KATNIP: variants seen among roughly 807,000 people sequenced by gnomAD.
KATNIP encodes katanin interacting protein, also known as katanin-interacting protein.
In KATNIP, 126 loss-of-function variants were observed where a neutral mutation model predicts 174.0. That is an observed-to-expected ratio of 0.72 (90% CI 0.63 to 0.84). The LOEUF is 0.84. Ranked by LOEUF, KATNIP falls within the 40% of genes least tolerant of loss-of-function variation. KATNIP has a pLI of 0.00. For missense variants in KATNIP, 1,958 were observed against 2,109.7 expected (o/e 0.93, Z 1.41); for synonymous variants, 810 against 835.7 (o/e 0.97, Z 0.53).
intron 5 of KATNIP, among the ~76,000 whole-genome samples, chr16:27,634,680 C>T (rs1032894208): frequency 9.9e-5 from 15 of 152,220 alleles, no homozygotes; most frequent in African/African-American, 3.6e-4. Context: ...AGCACTGAAA[C>T]AGCCAACATC....
intron 18 of KATNIP, chr16:27,757,590 T>A: frequency 2.3e-6 from 2 of 878,896 alleles, no homozygotes; most frequent in Non-Finnish European, 2.7e-6. Flanking sequence ...GGAGTAGAGC[T>A]CAAAGACCTT....
intron 14 of KATNIP, among the ~76,000 whole-genome samples, chr16:27,733,882 C>G (rs1031302093): frequency 1.3e-5 from 2 of 152,222 alleles, no homozygotes; most frequent in African/African-American, 4.8e-5. Context: ...CCTCATGGGG[C>G]AGATGTGACT....
At position 27,683,010 on chromosome 16, in the gene KATNIP, C is replaced by T. The variant is rs563723080; in HGVS notation, c.940+1480C>T. Among the ~76,000 whole-genome samples, 23 of 152,304 alleles carry T rather than the reference C, an allele frequency of 1.5e-4. No individual in the cohort carries two copies. The South Asian group carries it at 4.6e-3, about 30-fold the overall frequency. On this transcript the variant is annotated intron_variant, in intron 8 of 27. Transcript: ENST00000261588. ...CAGATGCGGCACCCTTGACCTTGGA[C>T]TTCTCAGCTTCTATAACTATAAGAA...
chr16:27,700,652 G>A (rs2079063658), intron 10 of KATNIP, among the ~76,000 whole-genome samples: 3 of 152,210 alleles, frequency 2.0e-5, no homozygotes, highest in African/African-American at 4.8e-5. Context: ...AACAGGGAAC[G>A]GCATTCCAGG....
intron 5 of KATNIP, among the ~76,000 whole-genome samples, chr16:27,634,879 C>T (rs767128510): frequency 4.6e-5 from 7 of 152,094 alleles, no homozygotes; most frequent in Non-Finnish European, 8.8e-5. Flanking sequence ...ATTGTAGGGC[C>T]GCCAAACGAG....
intron 20 of KATNIP, 87 bp from the exon 21 acceptor site, chr16:27,769,774 C>A: frequency 6.7e-7 from 1 of 1,501,948 alleles, no homozygotes; most frequent in Non-Finnish European, 9.1e-7. Context: ...GTGAGCACAG[C>A]TGCCAGCAGC....
chr16:27,707,211 C>A (rs879688393), intron 12 of KATNIP, among the ~76,000 whole-genome samples: 11 of 152,186 alleles, frequency 7.2e-5, no homozygotes, highest in Non-Finnish European at 1.2e-4. Flanking sequence ...CTCACAGAAC[C>A]ATTGCAGATT....
chr16:27,619,898 C>T (rs904348366), intron 3 of KATNIP, among the ~76,000 whole-genome samples: 4 of 152,152 alleles, frequency 2.6e-5, no homozygotes, highest in South Asian at 2.1e-4. Flanking sequence ...CTGATTAGAC[C>T]GACGTGGGTT....
rs145758789 is a variant in KATNIP, at chr16:27,704,130, C to A, written c.1389+132C>A. Reference sequence around the variant, plus strand: ...CTGCCTGTGTTTCCACCGCCCCCCCCCTCCCTGGCACACAGAGGTATATAT... The same window carrying A: ...CTGCCTGTGTTTCCACCGCCCCCCCACTCCCTGGCACACAGAGGTATATAT... On this transcript the variant is annotated intron_variant, in intron 12 of 27. Coordinates refer to ENST00000261588, the MANE Select transcript of KATNIP (RefSeq NM_015202.5). 120 of 686,620 alleles carry A rather than the reference C, an allele frequency of 1.7e-4. 2 individuals carry two copies. The highest frequency in any genetic ancestry group is 9.6e-4 in the African/African-American group (54 of 56,104). 42.5% of individuals were successfully genotyped at this position (686,620 alleles called of 1,614,324 possible). A position where few individuals can be genotyped will look rare whatever the true frequency, so the allele number is the denominator to read the frequency against.
intron 8 of KATNIP, among the ~76,000 whole-genome samples, chr16:27,682,562 G>T (rs556830890): frequency 3.3e-5 from 5 of 152,318 alleles, no homozygotes; most frequent in African/African-American, 1.2e-4. Flanking sequence ...CCAGGGGATG[G>T]ATCCAGACAG....
intron 3 of KATNIP, among the ~76,000 whole-genome samples, chr16:27,626,381 G>A (rs1007425880): frequency 1.2e-4 from 19 of 152,082 alleles, no homozygotes; most frequent in Non-Finnish European, 2.1e-4. Context: ...ACAATTTGCC[G>A]GAATGTGCTT....
At chr16:27,586,554 T>G (rs942996550) in intron 2 of KATNIP, among the ~76,000 whole-genome samples, 9 of 151,950 alleles carry the variant, frequency 5.9e-5, no homozygotes, top group African/African-American at 2.2e-4. Flanking sequence ...TAAGGTCAGA[T>G]GCAGTGGCTC....
intron 1 of KATNIP, among the ~76,000 whole-genome samples, chr16:27,557,101 G>T (rs1038848333): frequency 2.6e-5 from 4 of 151,870 alleles, no homozygotes; most frequent in Non-Finnish European, 5.9e-5. Context: ...AGGCGATATG[G>T]GAATTCATTG....
chr16:27,735,563 T>G (rs1315443347), intron 14 of KATNIP, among the ~76,000 whole-genome samples: 2 of 152,210 alleles, frequency 1.3e-5, no homozygotes, highest in African/African-American at 4.8e-5. Flanking sequence ...GTGCCTCTGC[T>G]AAACAGAGAA....
intron 6 of KATNIP, among the ~76,000 whole-genome samples, chr16:27,676,381 G>A (rs773090741): frequency 6.6e-6 from 1 of 151,922 alleles, no homozygotes; most frequent in South Asian, 2.1e-4. Context: ...TTCTATCATC[G>A]GTCTGTATAG....
At chr16:27,648,445 A>G (rs1270750595) in intron 5 of KATNIP, among the ~76,000 whole-genome samples, 159 bp from the exon 6 acceptor site, 1 of 152,198 alleles carries the variant, frequency 6.6e-6, no homozygotes, top group East Asian at 1.9e-4. Context: ...CCTGTGGCCC[A>G]TGCTCATCAT....
At position 27,776,499 on chromosome 16, in the gene KATNIP, G is replaced by A. The variant is rs1259369873; in HGVS notation, c.4450-429G>A. Among the ~76,000 whole-genome samples the A allele has an allele frequency of 2.6e-5, 4 of 152,194 alleles. No homozygotes were observed. Among genetic ancestry groups the A allele is most frequent in the Non-Finnish European group, 5.9e-5 (4 of 68,040 alleles). ...AGCAGCACCTTGGCGTTGCTTCTCA[G>A]TGATGGTTTGGGGAAAGGACAGACA... On this transcript the variant is annotated intron_variant, in intron 24 of 27. Transcript: ENST00000261588. This position sits in a 1 kb window ranked among gnomAD's most constrained non-coding sequence, Gnocchi z 4.7.
At chr16:27,730,736 C>T (rs140372415) in intron 14 of KATNIP, among the ~76,000 whole-genome samples, 19 of 152,360 alleles carry the variant, frequency 1.2e-4, no homozygotes, top group African/African-American at 4.6e-4. Flanking sequence ...TGACACCCTT[C>T]CTGGCATCAA....
At chr16:27,594,354 A>G (rs1015902523) in intron 2 of KATNIP, among the ~76,000 whole-genome samples, 2 of 152,048 alleles carry the variant, frequency 1.3e-5, no homozygotes, top group Non-Finnish European at 2.9e-5. Flanking sequence ...ACACTGTCCC[A>G]GGATGGTTTT....
Sources: allele counts gnomAD v4.1 joint callset (sites outside exome capture counted in the v4.1 genomes callset), GRCh38; gene constraint gnomAD v4.1.1; non-coding constraint Gnocchi (gnomAD v3.1); transcripts MANE v1.5; gene names NCBI Gene and HGNC (gene_info 2026-07-23, HGNC 2026-07-21).